The following SV2C variants were observed in gnomAD, a reference collection of about 807,000 sequenced individuals.
The protein encoded by SV2C is solute carrier family 22 member B3.
In SV2C, 49 loss-of-function variants were observed where a neutral mutation model predicts 79.7. That is an observed-to-expected ratio of 0.61 (90% CI 0.49 to 0.78). The LOEUF (loss-of-function observed/expected upper bound fraction) is 0.78. Ranked by LOEUF, SV2C falls within the 30% of genes least tolerant of loss-of-function variation. The probability of loss-of-function intolerance (pLI) is 0.00; values close to 1 mark genes in which losing one functional copy is unlikely to be tolerated. For missense variants in SV2C, 833 were observed against 912.9 expected, an observed-to-expected ratio of 0.91 and a Z score of 1.13; for synonymous variants, 334 against 333.2, an observed-to-expected ratio of 1.00 and a Z score of -0.03.
At chr5:75,996,465 G>A in the SV2C span, among the ~76,000 whole-genome samples, 12 of 152,194 alleles carry the variant, frequency 7.9e-5, no homozygotes, top group South Asian at 4.2e-4. Flanking sequence ...TTGGCAATGC[G>A]GGATCTTTTT....
intron 1 of SV2C, among the ~76,000 whole-genome samples, chr5:76,129,708 C>T (rs976987666): frequency 3.3e-5 from 5 of 152,124 alleles, no homozygotes; most frequent in African/African-American, 1.2e-4. Flanking sequence ...AAGCCAAATG[C>T]AGTCAGTTGA....
the SV2C span, among the ~76,000 whole-genome samples, chr5:76,076,406 A>G: frequency 1.7e-3 from 264 of 152,380 alleles, 7 homozygotes; most frequent in East Asian, 0.049. Flanking sequence ...AGTTCTAACT[A>G]TTGAAGTTTA....
chr5:76,089,179 C>G (rs1410324415), intron 1 of SV2C, among the ~76,000 whole-genome samples: 1 of 152,162 alleles, frequency 6.6e-6, no homozygotes, highest in African/African-American at 2.4e-5. Flanking sequence ...TCTCCCTTCC[C>G]TCAGTCCCTC....
At chr5:75,915,557 G>T in the SV2C span, among the ~76,000 whole-genome samples, 1 of 152,284 alleles carries the variant, frequency 6.6e-6, no homozygotes, top group South Asian at 2.1e-4. Context: ...GAGCAACACA[G>T]GTCACTGTAA....
At chr5:75,869,758 C>T in the SV2C span, among the ~76,000 whole-genome samples, 2,175 of 152,264 alleles carry the variant, frequency 0.014, 48 homozygotes, top group African/African-American at 0.047. Flanking sequence ...GCATTGGTGG[C>T]CACAGGGACG....
chr5:75,863,142 A>T, the SV2C span, among the ~76,000 whole-genome samples: 2 of 152,200 alleles, frequency 1.3e-5, no homozygotes, highest in East Asian at 3.9e-4. Context: ...AAAAGCCTTG[A>T]TGTATAGCAT....
upstream of SV2C, among the ~76,000 whole-genome samples, chr5:76,080,225 A>G (rs74335393): frequency 1.7e-3 from 262 of 152,276 alleles, no homozygotes; most frequent in African/African-American, 6.1e-3. Flanking sequence ...AATGAATAGT[A>G]ATACTTCGAT....
intron 4 of SV2C, among the ~76,000 whole-genome samples, chr5:76,280,449 A>G (rs889980398): frequency 9.2e-5 from 14 of 152,166 alleles, no homozygotes; most frequent in African/African-American, 2.4e-4. Context: ...TTGTGGTCCA[A>G]TTCCTTGGGA....
intron 2 of SV2C, among the ~76,000 whole-genome samples, chr5:76,151,038 TGTC>T (rs1749588969): frequency 6.6e-6 from 1 of 152,226 alleles, no homozygotes; most frequent in Non-Finnish European, 1.5e-5. Flanking sequence ...AAAAGTCACT[TGTC>T]ATCAGAATGA....
intron 1 of SV2C, among the ~76,000 whole-genome samples, chr5:76,096,101 C>T (rs1747548987): frequency 1.3e-5 from 2 of 152,118 alleles, no homozygotes. Flanking sequence ...GGAGTGAGTT[C>T]ATGAAATACA....
intron 4 of SV2C, among the ~76,000 whole-genome samples, chr5:76,249,624 T>A (rs1003585151): frequency 6.6e-6 from 1 of 152,180 alleles, no homozygotes; most frequent in Non-Finnish European, 1.5e-5. Flanking sequence ...AATTAATATA[T>A]TTAACAAAAA....
the SV2C span, among the ~76,000 whole-genome samples, chr5:75,954,340 A>G: frequency 1.3e-5 from 2 of 152,014 alleles, no homozygotes; most frequent in Non-Finnish European, 2.9e-5. Flanking sequence ...TCAAGGCAGG[A>G]TTTAAAGAGC....
At chr5:76,036,437 C>T in the SV2C span, among the ~76,000 whole-genome samples, 2 of 152,004 alleles carry the variant, frequency 1.3e-5, no homozygotes, top group Admixed American at 6.5e-5. Context: ...TAGGGCAGGC[C>T]TGGTGGTGAC....
the SV2C span, among the ~76,000 whole-genome samples, chr5:75,919,618 C>G: frequency 7.2e-5 from 11 of 152,206 alleles, no homozygotes; most frequent in African/African-American, 2.2e-4. Flanking sequence ...TAACCCTGCT[C>G]TCATCCTAAT....
chr5:76,285,921 T>C, intron 6 of SV2C, 51 bp downstream of exon 6: 1 of 1,530,688 alleles, frequency 6.5e-7, no homozygotes, highest in Non-Finnish European at 9.0e-7. Flanking sequence ...GGACATGTTT[T>C]CTGTCAAGGG....
At chr5:75,896,133 T>C in the SV2C span, among the ~76,000 whole-genome samples, 1 of 152,004 alleles carries the variant, frequency 6.6e-6, no homozygotes, top group Non-Finnish European at 1.5e-5. Context: ...TACATATGTA[T>C]ACATGTGCCA....
At chr5:76,273,146 GATATATATAT>G (rs369657969) in intron 4 of SV2C, among the ~76,000 whole-genome samples, 5 of 129,116 alleles carry the variant, frequency 3.9e-5, no homozygotes, top group African/African-American at 5.8e-5. Flanking sequence ...TTACAAAAAA[GATATATATAT>G]ATATATATAT....
chr5:76,287,526 G>A (rs920178843), intron 6 of SV2C, among the ~76,000 whole-genome samples: 1 of 152,070 alleles, frequency 6.6e-6, no homozygotes, highest in Non-Finnish European at 1.5e-5. Flanking sequence ...GGACACTAAG[G>A]TCCTGCCAGT....
At chr5:76,013,149 A>G in the SV2C span, among the ~76,000 whole-genome samples, 2 of 152,180 alleles carry the variant, frequency 1.3e-5, no homozygotes, top group African/African-American at 4.8e-5. Context: ...GAAGAAAGTC[A>G]GTGGTAGCTT....
Sources: allele counts gnomAD v4.1 joint callset (sites outside exome capture counted in the v4.1 genomes callset), GRCh38; gene constraint gnomAD v4.1.1; transcripts MANE v1.5; gene names NCBI Gene and HGNC (gene_info 2026-07-23, HGNC 2026-07-21).